Variants in FAF1 observed in about 807,000 individuals in gnomAD.
FAF1 encodes the protein FAS-associated factor 1.
A neutral mutation model predicts 92.5 loss-of-function variants in FAF1; 25 were observed. The observed-to-expected ratio is 0.27, with a 90% CI of 0.20 to 0.38. FAF1 has a LOEUF of 0.38. FAF1 is among the 10% of genes least tolerant of loss of function. The pLI is 1.00. For synonymous variants in FAF1, 234 were observed against 273.2 expected (o/e 0.86, Z 1.42); for missense variants, 636 against 793.3 (o/e 0.80, Z 2.38).
intron 13 of FAF1, among the ~76,000 whole-genome samples, chr1:50,541,723 C>CA (rs1250848508): frequency 6.8e-6 from 1 of 147,396 alleles, no homozygotes; most frequent in African/African-American, 2.5e-5. Flanking sequence ...GGATACCTAC[C>CA]AAAAAAAGAA....
At chr1:50,705,595 T>C (rs955909443) in intron 7 of FAF1, among the ~76,000 whole-genome samples, 191 bp downstream of exon 7, 34 of 152,198 alleles carry the variant, frequency 2.2e-4, no homozygotes, top group African/African-American at 9.7e-5. Context: ...AGAGTTCCCA[T>C]TTACATCTTT....
intron 8 of FAF1, among the ~76,000 whole-genome samples, chr1:50,628,702 G>C (rs1462622293): frequency 6.6e-6 from 1 of 152,178 alleles, no homozygotes; most frequent in African/African-American, 2.4e-5. Flanking sequence ...ACACTTCACA[G>C]TAAATTACAG....
At chr1:50,640,037 A>G (rs1456476029) in intron 8 of FAF1, among the ~76,000 whole-genome samples, 1 of 151,824 alleles carries the variant, frequency 6.6e-6, no homozygotes, top group African/African-American at 2.4e-5. Flanking sequence ...TTATTCATGT[A>G]CTATTCTTTT....
intron 18 of FAF1, among the ~76,000 whole-genome samples, chr1:50,475,047 CTGTT>C (rs1216216716): frequency 1.3e-5 from 2 of 152,218 alleles, no homozygotes; most frequent in Admixed American, 6.5e-5. Context: ...TCACAAAACA[CTGTT>C]TGTTTTGCAT....
At chr1:50,800,773 G>A (rs1440736360) in intron 3 of FAF1, among the ~76,000 whole-genome samples, 1 of 152,050 alleles carries the variant, frequency 6.6e-6, no homozygotes, top group Non-Finnish European at 1.5e-5. Context: ...TCTCCAAAAC[G>A]ACCTCATTCC....
At chr1:50,622,139 T>C (rs1653242127) in intron 8 of FAF1, among the ~76,000 whole-genome samples, 1 of 141,106 alleles carries the variant, frequency 7.1e-6, no homozygotes, top group African/African-American at 2.7e-5. Flanking sequence ...CACTCCAGCC[T>C]GGGCAACAGA....
At chr1:50,805,587 C>T (rs1662162334) in intron 2 of FAF1, among the ~76,000 whole-genome samples, 1 of 152,010 alleles carries the variant, frequency 6.6e-6, no homozygotes, top group Non-Finnish European at 1.5e-5. Context: ...TGAAAGGAAA[C>T]CAAGTCACTG....
intron 3 of FAF1, among the ~76,000 whole-genome samples, chr1:50,796,547 G>C (rs1661758438): frequency 1.3e-5 from 2 of 152,076 alleles, no homozygotes; most frequent in Non-Finnish European, 2.9e-5. Context: ...GTGCCCATTG[G>C]TGGTCAGCAG....
intron 7 of FAF1, among the ~76,000 whole-genome samples, chr1:50,675,137 C>T (rs1427668598): frequency 2.0e-5 from 3 of 152,192 alleles, no homozygotes; most frequent in South Asian, 2.1e-4. Flanking sequence ...GTGATCTGCC[C>T]GCTTGGCCTC....
At chr1:50,596,967 T>C (rs1410352901) in intron 8 of FAF1, among the ~76,000 whole-genome samples, 1 of 152,162 alleles carries the variant, frequency 6.6e-6, no homozygotes. Context: ...AGATGATGAA[T>C]ATACATACAT....
chr1:50,940,243 T>C (rs1428444785), intron 1 of FAF1, among the ~76,000 whole-genome samples: 1 of 152,112 alleles, frequency 6.6e-6, no homozygotes. Flanking sequence ...ACCCAGTAAG[T>C]ACATTACCAG....
chr1:50,718,904 A>T (rs1427683797), intron 6 of FAF1, among the ~76,000 whole-genome samples: 1 of 152,188 alleles, frequency 6.6e-6, no homozygotes, highest in Admixed American at 6.5e-5. Context: ...CTAAACTTAC[A>T]GAGTCATATG....
chr1:50,931,169 T>G (rs980374339), intron 1 of FAF1, among the ~76,000 whole-genome samples: 2 of 152,246 alleles, frequency 1.3e-5, no homozygotes, highest in Admixed American at 1.3e-4. Context: ...ATGTAATTAC[T>G]GATATGGCAG....
At chr1:50,949,499 C>G (rs980273928) in intron 1 of FAF1, among the ~76,000 whole-genome samples, 4 of 152,152 alleles carry the variant, frequency 2.6e-5, no homozygotes, top group Non-Finnish European at 4.4e-5. Context: ...CAGAAATCAC[C>G]CTTGGTTGAA....
rs150780014 is a variant in FAF1 at position 50,731,658 on chromosome 1, G to A, written c.551+7205C>T. Among the ~76,000 whole-genome samples the A allele has an allele frequency of 1.1e-3, 168 of 151,980 alleles. 4 individuals are homozygous for A. In the East Asian group the frequency reaches 0.03, roughly 27 times the overall value. On this transcript the variant is annotated intron_variant, in intron 6 of 18. Coordinates refer to ENST00000396153, the MANE Select transcript of FAF1 (RefSeq NM_007051.3). ...GCTGGGATTACAGGCATGAGCCACC[G>A]CGCCCGGCCTCAAAACACTTGTCTT...
At chr1:50,883,208 A>C (rs1644628523) in intron 1 of FAF1, among the ~76,000 whole-genome samples, 1 of 152,158 alleles carries the variant, frequency 6.6e-6, no homozygotes, top group East Asian at 1.9e-4. Flanking sequence ...AACATCAAAA[A>C]TAAAAATGTC....
At chr1:50,558,750 A>G (rs545611950) in intron 13 of FAF1, among the ~76,000 whole-genome samples, 2 of 152,340 alleles carry the variant, frequency 1.3e-5, no homozygotes, top group Non-Finnish European at 2.9e-5. Flanking sequence ...AGTTAAATGC[A>G]TATTTCCTGA....
chr1:50,778,724 G>A (rs1037277945), intron 4 of FAF1, among the ~76,000 whole-genome samples: 1 of 152,146 alleles, frequency 6.6e-6, no homozygotes, highest in African/African-American at 2.4e-5. Flanking sequence ...GGCAGAGACA[G>A]TAGAAAATTT....
At chr1:50,547,474 C>T (rs1197421446) in intron 13 of FAF1, among the ~76,000 whole-genome samples, 2 of 151,462 alleles carry the variant, frequency 1.3e-5, no homozygotes, top group Admixed American at 6.6e-5. Context: ...AGTGCAACGG[C>T]GTGATCTAGG....
Sources: allele counts gnomAD v4.1 joint callset (sites outside exome capture counted in the v4.1 genomes callset), GRCh38; gene constraint gnomAD v4.1.1; transcripts MANE v1.5; gene names NCBI Gene and HGNC (gene_info 2026-07-23, HGNC 2026-07-21).